CAMKMT: variants seen among roughly 807,000 people sequenced by gnomAD.
CAMKMT encodes the protein calmodulin-lysine N-methyltransferase.
In CAMKMT, 53 loss-of-function variants were observed where a neutral mutation model predicts 48.0. The ratio of observed to expected loss-of-function variants is 1.10; its 90% confidence interval spans 0.89 to 1.39. The LOEUF is 1.39. CAMKMT is among the 40% of genes most tolerant of loss of function. The pLI is 0.00. For missense variants in CAMKMT, 428 were observed against 402.7 expected (o/e 1.06, Z -0.54); for synonymous variants, 165 against 152.3 (o/e 1.08, Z -0.61).
intron 3 of CAMKMT, among the ~76,000 whole-genome samples, chr2:44,519,310 T>C (rs989613079): frequency 1.6e-4 from 25 of 152,240 alleles, no homozygotes; most frequent in African/African-American, 4.8e-4. Context: ...AACTTTTCCA[T>C]TGGAACATAT....
At chr2:44,457,846 G>T (rs1667649449) in intron 3 of CAMKMT, among the ~76,000 whole-genome samples, 1 of 152,150 alleles carries the variant, frequency 6.6e-6, no homozygotes, top group Non-Finnish European at 1.5e-5. Context: ...ATGTTACAAA[G>T]TTGAATTAGC....
intron 3 of CAMKMT, among the ~76,000 whole-genome samples, chr2:44,595,505 C>A (rs1403968163): frequency 6.6e-6 from 1 of 152,100 alleles, no homozygotes; most frequent in African/African-American, 2.4e-5. Context: ...AGGACACAAA[C>A]AAATGGAAAA....
chr2:44,662,003 A>G (rs1050236432), intron 3 of CAMKMT, among the ~76,000 whole-genome samples: 5 of 152,220 alleles, frequency 3.3e-5, no homozygotes, highest in East Asian at 3.9e-4. Context: ...ATATGAGTCT[A>G]TATCTATCAC....
At chr2:44,731,169 C>T (rs940338467) in intron 7 of CAMKMT, among the ~76,000 whole-genome samples, 10 of 152,120 alleles carry the variant, frequency 6.6e-5, no homozygotes, top group African/African-American at 1.4e-4. Flanking sequence ...GGCGAAACCC[C>T]GTCTCTACTA....
intron 6 of CAMKMT, among the ~76,000 whole-genome samples, chr2:44,712,527 C>T (rs143903363): frequency 2.6e-5 from 4 of 152,168 alleles, no homozygotes; most frequent in Admixed American, 6.5e-5. Flanking sequence ...TACCTCTGAA[C>T]GGGGCTTTAT....
chr2:44,548,278 C>T (rs899047786), intron 3 of CAMKMT, among the ~76,000 whole-genome samples: 6 of 152,168 alleles, frequency 3.9e-5, no homozygotes, highest in Admixed American at 2.6e-4. Flanking sequence ...CAAAGACATA[C>T]GCCTTCTGTG....
At position 44,593,628 on chromosome 2, in the gene CAMKMT, G is replaced by C. The variant is rs368088826; in HGVS notation, c.377-110655G>C. Among the ~76,000 whole-genome samples the C allele has an allele frequency of 1.3e-4, 20 of 152,210 alleles. No homozygotes were observed. The East Asian group carries it at 3.9e-3, about 29-fold the overall frequency. ...CTGTCCTTCCTGCCTCCTGCCCACT[G>C]TCTTGAATACCATAGTTTCATTTAT... On this transcript the variant is annotated intron_variant, in intron 3 of 10. Coordinates refer to ENST00000378494, the MANE Select transcript of CAMKMT (RefSeq NM_024766.5).
chr2:44,426,907 C>T (rs1380904674), intron 3 of CAMKMT, among the ~76,000 whole-genome samples: 2 of 152,152 alleles, frequency 1.3e-5, no homozygotes, highest in African/African-American at 4.8e-5. Context: ...CATCACATTA[C>T]ACAATTTTAA....
chr2:44,376,803 T>C (rs1679742122), intron 2 of CAMKMT, among the ~76,000 whole-genome samples: 2 of 152,188 alleles, frequency 1.3e-5, no homozygotes, highest in Non-Finnish European at 2.9e-5. Context: ...GGAATAATTT[T>C]CCCTTAGTGA....
intron 3 of CAMKMT, among the ~76,000 whole-genome samples, chr2:44,648,261 C>T (rs1673862673): frequency 6.6e-6 from 1 of 152,152 alleles, no homozygotes; most frequent in African/African-American, 2.4e-5. Flanking sequence ...ACCTAATTGT[C>T]AGCAACAATT....
rs891225108 is a variant in CAMKMT at position 44,393,026 on chromosome 2, T to C, written c.376+2721T>C. 6.6e-5 allele frequency among the ~76,000 whole-genome samples: 10 copies of C among 152,094 alleles called. No homozygotes were observed. The South Asian group carries it at 1.0e-3, about 16-fold the overall frequency. The stretch of plus-strand genomic sequence containing the variant: ...ATTTTCTAGTCACAAAAACCTGATA[T>C]GTGTAGATACAGTAAAAAAAGGTAT... On this transcript the variant is annotated intron_variant, in intron 3 of 10. Transcript: ENST00000378494.
At chr2:44,567,294 C>T (rs550309267) in intron 3 of CAMKMT, among the ~76,000 whole-genome samples, 3 of 152,206 alleles carry the variant, frequency 2.0e-5, no homozygotes, top group Non-Finnish European at 2.9e-5. Context: ...ATATGCAACC[C>T]GACCATCAGT....
intron 1 of CAMKMT, among the ~76,000 whole-genome samples, chr2:44,368,622 C>T (rs1412427076): frequency 1.3e-5 from 2 of 152,116 alleles, no homozygotes; most frequent in South Asian, 2.1e-4. Flanking sequence ...TTTACATTAG[C>T]GGTTTATGGT....
intron 3 of CAMKMT, among the ~76,000 whole-genome samples, chr2:44,673,517 GGAA>G (rs1403786388): frequency 5.2e-4 from 45 of 85,968 alleles, no homozygotes; most frequent in African/African-American, 1.9e-3. Context: ...AAGGAAGGAA[GGAA>G]GGAGGGAAGG....
chr2:44,707,739 T>G (rs1428898018), intron 6 of CAMKMT, among the ~76,000 whole-genome samples: 2 of 152,224 alleles, frequency 1.3e-5, no homozygotes, highest in African/African-American at 4.8e-5. Flanking sequence ...CATAATAATT[T>G]TCAAGCATTC....
At chr2:44,479,300 CTTGG>C (rs1041139967) in intron 3 of CAMKMT, among the ~76,000 whole-genome samples, 1 of 152,192 alleles carries the variant, frequency 6.6e-6, no homozygotes. Flanking sequence ...TCTTTTGTGT[CTTGG>C]TTGGTATGGC....
intron 3 of CAMKMT, among the ~76,000 whole-genome samples, chr2:44,455,814 ATTG>A (rs1222922068): frequency 2.0e-5 from 3 of 152,220 alleles, no homozygotes; most frequent in South Asian, 2.1e-4. Flanking sequence ...TGTGTAATCT[ATTG>A]TTGTTGTTTT....
rs1372686402 is a variant in CAMKMT, at chr2:44,450,483, C to G, written c.376+60178C>G. ...TGTTGGTTCATCAACAAATACAAAC[C>G]TTAAAAGGGGTTATGAAGCATTCTG... On this transcript the variant is annotated intron_variant, in intron 3 of 10. Coordinates refer to ENST00000378494, the MANE Select transcript of CAMKMT (RefSeq NM_024766.5). Among the ~76,000 whole-genome samples the G allele has an allele frequency of 2.0e-5, 3 of 152,092 alleles. No homozygotes were observed. The East Asian group carries it at 5.8e-4, about 29-fold the overall frequency.
chr2:44,606,745 C>T (rs961144562), intron 3 of CAMKMT, among the ~76,000 whole-genome samples: 1 of 151,916 alleles, frequency 6.6e-6, no homozygotes, highest in East Asian at 1.9e-4. Flanking sequence ...AACAAAGTGC[C>T]TGCTATAGAA....
Sources: allele counts gnomAD v4.1 joint callset (sites outside exome capture counted in the v4.1 genomes callset), GRCh38; gene constraint gnomAD v4.1.1; transcripts MANE v1.5; gene names NCBI Gene and HGNC (gene_info 2026-07-23, HGNC 2026-07-21).